FBXO33: variants seen among roughly 807,000 people sequenced by gnomAD.
FBXO33 encodes F-box protein 33, also known as F-box only protein 33.
A neutral mutation model predicts 46.3 loss-of-function variants in FBXO33; 22 were observed. The observed-to-expected ratio is 0.48, with a 90% CI of 0.34 to 0.68. FBXO33 has a LOEUF of 0.68. FBXO33 is among the 30% of genes least tolerant of loss of function. FBXO33 has a pLI of 0.01. For missense variants in FBXO33, 692 were observed against 708.8 expected, an observed-to-expected ratio of 0.98 and a Z score of 0.27; for synonymous variants, 337 against 291.3, an observed-to-expected ratio of 1.16 and a Z score of -1.60.
chr14:39,405,605 T>C (rs1173679233), intron 1 of FBXO33, among the ~76,000 whole-genome samples: 1 of 151,982 alleles, frequency 6.6e-6, no homozygotes, highest in Admixed American at 6.6e-5. Context: ...AGAATAGCAA[T>C]AAATTAGGAA....
At chr14:39,426,126 A>AT (rs1468813173) in intron 1 of FBXO33, among the ~76,000 whole-genome samples, 1 of 151,976 alleles carries the variant, frequency 6.6e-6, no homozygotes, top group African/African-American at 2.4e-5. Flanking sequence ...ATTTTTAAAA[A>AT]TTATTTATTT....
intron 1 of FBXO33, among the ~76,000 whole-genome samples, chr14:39,425,788 T>A (rs1023654246): frequency 6.6e-6 from 1 of 152,236 alleles, no homozygotes; most frequent in African/African-American, 2.4e-5. Flanking sequence ...ACTAGCCATA[T>A]GTGACTATTG....
intron 1 of FBXO33, among the ~76,000 whole-genome samples, chr14:39,414,485 A>C (rs1026395185): frequency 2.6e-5 from 4 of 152,186 alleles, no homozygotes. Flanking sequence ...TTTCCTTTGC[A>C]TTCACAACTT....
intron 1 of FBXO33, among the ~76,000 whole-genome samples, chr14:39,416,265 T>C (rs1017544705): frequency 2.0e-5 from 3 of 151,522 alleles, no homozygotes; most frequent in African/African-American, 7.3e-5. Flanking sequence ...AGTTTTTTTT[T>C]TCTTTTCTTT....
At chr14:39,426,037 C>T (rs756899502) in intron 1 of FBXO33, among the ~76,000 whole-genome samples, 4 of 152,068 alleles carry the variant, frequency 2.6e-5, no homozygotes, top group Non-Finnish European at 4.4e-5. Flanking sequence ...AGAATAACTA[C>T]CATCCCCAAA....
chr14:39,412,635 T>C (rs1356462166), intron 1 of FBXO33, among the ~76,000 whole-genome samples: 1 of 152,216 alleles, frequency 6.6e-6, no homozygotes, highest in African/African-American at 2.4e-5. Flanking sequence ...TCCTTTGTGA[T>C]TTGATGATTT....
chr14:39,428,558 C>G (rs17109227), intron 1 of FBXO33, among the ~76,000 whole-genome samples: 3,295 of 152,190 alleles, frequency 0.022, 125 homozygotes, highest in African/African-American at 0.076. Flanking sequence ...GCATTCCACC[C>G]AAGAAAAGCT....
intron 1 of FBXO33, among the ~76,000 whole-genome samples, chr14:39,426,882 C>T (rs955949738): frequency 6.6e-6 from 1 of 152,188 alleles, no homozygotes; most frequent in Non-Finnish European, 1.5e-5. Context: ...ATTTTCACAA[C>T]CTGAAATAAT....
At position 39,399,779 on chromosome 14, in the gene FBXO33, C is replaced by A; in HGVS notation, c.1405G>T (p.Val469Leu). 3 of 1,562,756 alleles carry A rather than the reference C, an allele frequency of 1.9e-6. No homozygotes were observed. Among genetic ancestry groups the A allele is most frequent in the South Asian group, 2.3e-5 (2 of 86,176 alleles). The change falls in exon 4 of 4, where the codon GTG becomes TTG. Residue 469 changes from valine (V) to leucine (L), a missense_variant. Transcript: ENST00000298097. ...LSLLAIHGYT[V>L]WAHNLIAIAR... The stretch of plus-strand genomic sequence containing the variant: ...ATGGCAATGAGGTTGTGTGCCCACA[C>A]CGTGTAACCTGAAAAATAAACAAAA...
At chr14:39,419,553 T>A (rs936243341) in intron 1 of FBXO33, among the ~76,000 whole-genome samples, 9 of 151,946 alleles carry the variant, frequency 5.9e-5, no homozygotes, top group South Asian at 2.1e-4. Context: ...AATAAACAGA[T>A]GTCTCATTTT....
intron 2 of FBXO33, 70 bp from the exon 3 acceptor site, chr14:39,401,931 A>T: frequency 3.2e-6 from 4 of 1,262,066 alleles, no homozygotes; most frequent in Non-Finnish European, 4.4e-6. Context: ...CTGACTTTTG[A>T]AAATAGGCAA....
rs192211411 is a variant in FBXO33 at position 39,414,160 on chromosome 14, T to C, written c.600-11649A>G. Among the ~76,000 whole-genome samples the C allele has an allele frequency of 9.7e-3, 1,475 of 152,312 alleles. 78 individuals are homozygous for C. Among genetic ancestry groups the C allele is most frequent in the Admixed American group, 0.088 (1,341 of 15,298 alleles). ...ACATTCATCAATGACCTTAACTAGA[T>C]CTTCTGCAGCTTCCACGACAGCACC... On this transcript the variant is annotated intron_variant, in intron 1 of 3. Transcript: ENST00000298097.
chr14:39,406,986 A>G (rs995255290), intron 1 of FBXO33, among the ~76,000 whole-genome samples: 1 of 152,236 alleles, frequency 6.6e-6, no homozygotes, highest in Non-Finnish European at 1.5e-5. Flanking sequence ...TTATTTGCCA[A>G]TTACATGATC....
chr14:39,413,687 G>A (rs541420602), intron 1 of FBXO33, among the ~76,000 whole-genome samples: 1 of 152,306 alleles, frequency 6.6e-6, no homozygotes, highest in East Asian at 1.9e-4. Context: ...CAGAACAGAT[G>A]CTGTGTTCGC....
At chr14:39,427,815 G>A (rs2075523396) in intron 1 of FBXO33, among the ~76,000 whole-genome samples, 1 of 152,048 alleles carries the variant, frequency 6.6e-6, no homozygotes, top group African/African-American at 2.4e-5. Flanking sequence ...AGGCATGGTG[G>A]TGCATGCCTG....
intron 1 of FBXO33, among the ~76,000 whole-genome samples, chr14:39,406,496 T>G (rs1248694816): frequency 6.6e-6 from 1 of 152,210 alleles, no homozygotes; most frequent in Non-Finnish European, 1.5e-5. Context: ...AGGACTGTGA[T>G]CCTGAAAGAT....
rs752055626 is a variant in FBXO33, at chr14:39,401,873, A to G, written c.711-12T>C. The G allele has an allele frequency of 3.8e-6, 6 of 1,589,120 alleles. No individual in the cohort carries two copies. The highest frequency in any genetic ancestry group is 1.1e-5 in the South Asian group (1 of 87,892). On this transcript the variant is annotated splice_polypyrimidine_tract_variant and intron_variant, in intron 2 of 3. Coordinates refer to ENST00000298097, the MANE Select transcript of FBXO33 (RefSeq NM_203301.4). ...ACAGTTGCTGAATTCTATAAGGAAAACACATGCCACAGTGATCCCATTAAC... is the reference window on the plus strand; with the variant it reads ...ACAGTTGCTGAATTCTATAAGGAAAGCACATGCCACAGTGATCCCATTAAC...
At chr14:39,403,284 A>C (rs1334197237) in intron 1 of FBXO33, among the ~76,000 whole-genome samples, 2 of 152,228 alleles carry the variant, frequency 1.3e-5, no homozygotes, top group Non-Finnish European at 2.9e-5. Flanking sequence ...CATACAGCTT[A>C]TGAACAACAG....
In FBXO33 at chr14:39,399,779, C is replaced by T. The variant is rs1218304584; in HGVS notation, c.1405G>A (p.Val469Met). 3 of 1,562,756 alleles carry T rather than the reference C, an allele frequency of 1.9e-6. No individual in the cohort carries two copies. The highest frequency in any genetic ancestry group is 1.2e-5 in the South Asian group (1 of 86,176). ...ATGGCAATGAGGTTGTGTGCCCACA[C>T]CGTGTAACCTGAAAAATAAACAAAA... ...LSLLAIHGYT[V>M]WAHNLIAIAR... The change falls in exon 4 of 4, where the codon GTG becomes ATG. Residue 469 changes from valine (V) to methionine (M), a missense_variant. Physicochemically the swap from Val to Met is conservative, Grantham distance 21. This residue lies in a region of FBXO33 where 186 missense variants were observed against 246.1 expected (regional missense o/e 0.76). Coordinates refer to ENST00000298097, the MANE Select transcript of FBXO33 (RefSeq NM_203301.4).
Sources: gnomAD v4.1 joint callset for allele counts (sites outside exome capture counted in the v4.1 genomes callset) on GRCh38, gnomAD v4.1.1 for gene constraint, gnomAD v4.1.1 regional missense constraint, MANE v1.5 for transcripts, NCBI Gene and HGNC (gene_info 2026-07-23, HGNC 2026-07-21) for gene names.